FGF12: variants seen among roughly 807,000 people sequenced by gnomAD.
FGF12 encodes fibroblast growth factor 12.
FGF12 carries 14 observed loss-of-function variants against 23.6 expected under a neutral mutation model. The ratio of observed to expected loss-of-function variants is 0.59; its 90% CI spans 0.39 to 0.93. The LOEUF is 0.93. FGF12 is among the 40% of genes least tolerant of loss of function. FGF12 has a pLI of 0.00. For synonymous variants in FGF12, 62 were observed against 77.3 expected (o/e 0.80, Z 1.04); for missense variants, 175 against 217.8 (o/e 0.80, Z 1.24).
At chr3:192,387,272 C>T (rs375223601) in intron 2 of FGF12, among the ~76,000 whole-genome samples, 10 of 152,166 alleles carry the variant, frequency 6.6e-5, no homozygotes, top group African/African-American at 2.4e-4. Context: ...TCCTTGTTGG[C>T]CCTTTTATGA....
chr3:192,172,388 A>AC (rs201827203), intron 4 of FGF12, among the ~76,000 whole-genome samples: 3,257 of 148,022 alleles, frequency 0.022, 169 homozygotes, highest in African/African-American at 0.078. Context: ...ATGGATCTCA[A>AC]CCCCCCCTTC....
intron 2 of FGF12, among the ~76,000 whole-genome samples, chr3:192,718,572 C>T (rs751690961): frequency 7.9e-5 from 12 of 152,066 alleles, no homozygotes; most frequent in South Asian, 4.1e-4. Flanking sequence ...GAAGATGGGG[C>T]GGGAATTAGG....
chr3:192,433,621 A>C (rs974853923), intron 2 of FGF12, among the ~76,000 whole-genome samples: 1 of 152,220 alleles, frequency 6.6e-6, no homozygotes, highest in Non-Finnish European at 1.5e-5. Flanking sequence ...TGACTAACTT[A>C]TTTTTAATTG....
chr3:192,473,231 C>A (rs1456684419), intron 2 of FGF12, among the ~76,000 whole-genome samples: 1 of 152,082 alleles, frequency 6.6e-6, no homozygotes, highest in African/African-American at 2.4e-5. Flanking sequence ...ATCAACCACA[C>A]CTCACCCCTC....
At chr3:192,656,963 G>T (rs1189813863) in intron 2 of FGF12, among the ~76,000 whole-genome samples, 1 of 152,114 alleles carries the variant, frequency 6.6e-6, no homozygotes, top group East Asian at 1.9e-4. Flanking sequence ...CTGAGGGATA[G>T]GTATTAGTAT....
At chr3:192,585,124 T>C (rs1713321389) in intron 2 of FGF12, among the ~76,000 whole-genome samples, 1 of 152,130 alleles carries the variant, frequency 6.6e-6, no homozygotes, top group African/African-American at 2.4e-5. Context: ...GGCAATAGCA[T>C]AGGTGAATTC....
At chr3:192,395,505 C>T (rs1720479555) in intron 2 of FGF12, among the ~76,000 whole-genome samples, 1 of 152,190 alleles carries the variant, frequency 6.6e-6, no homozygotes, top group South Asian at 2.1e-4. Context: ...CCCTCAGAGC[C>T]TGACTATACT....
chr3:192,194,989 G>C (rs950979899), intron 4 of FGF12, among the ~76,000 whole-genome samples: 1 of 152,190 alleles, frequency 6.6e-6, no homozygotes, highest in African/African-American at 2.4e-5. Context: ...TTGTCCTCAA[G>C]TGGTTTACAG....
At chr3:192,642,473 T>C (rs1715843558) in intron 2 of FGF12, among the ~76,000 whole-genome samples, 1 of 152,174 alleles carries the variant, frequency 6.6e-6, no homozygotes, top group South Asian at 2.1e-4. Flanking sequence ...ACAATGACAG[T>C]CCTTTCCTGT....
At chr3:192,584,054 T>C (rs2108616484) in intron 2 of FGF12, among the ~76,000 whole-genome samples, 1 of 152,310 alleles carries the variant, frequency 6.6e-6, no homozygotes, top group South Asian at 2.1e-4. Context: ...CTAAATTCAA[T>C]AAGGAGCCAT....
intron 2 of FGF12, among the ~76,000 whole-genome samples, chr3:192,399,555 G>A (rs1402601630): frequency 3.9e-5 from 6 of 152,160 alleles, no homozygotes; most frequent in African/African-American, 1.4e-4. Flanking sequence ...AGGCATAATG[G>A]ATGTGTTCCT....
chr3:192,514,815 C>G lies in FGF12; in HGVS notation c.14-154277G>C. 1 of 985,396 alleles carries G rather than the reference C, an allele frequency of 1.0e-6. No homozygotes were observed. The highest frequency in any genetic ancestry group is 1.7e-5 in the African/African-American group (1 of 57,346). 61.0% of individuals were successfully genotyped at this position (985,396 alleles called of 1,614,324 possible). On this transcript the variant is annotated intron_variant, in intron 2 of 5. Transcript: ENST00000445105. This position sits in a 1 kb window ranked among gnomAD's most constrained non-coding sequence, Gnocchi z 4.9. ...CCGCCCACCTGCGCTAGTAGTCCAA[C>G]CAACAGGCGGCCTGTCTTCGGAAGC...
chr3:192,316,416 A>C (rs1716231288), intron 4 of FGF12, among the ~76,000 whole-genome samples: 1 of 152,170 alleles, frequency 6.6e-6, no homozygotes, highest in African/African-American at 2.4e-5. Context: ...ATCCCCCATT[A>C]GTGGCTGCAT....
chr3:192,194,956 T>C (rs1030505919), intron 4 of FGF12, among the ~76,000 whole-genome samples: 2 of 152,194 alleles, frequency 1.3e-5, no homozygotes, highest in African/African-American at 2.4e-5. Flanking sequence ...AGGGTTGTGG[T>C]AAAAGAAGCA....
chr3:192,357,631 AT>A (rs1718537211), intron 3 of FGF12, among the ~76,000 whole-genome samples: 1 of 152,126 alleles, frequency 6.6e-6, no homozygotes, highest in Non-Finnish European at 1.5e-5. Flanking sequence ...GCACCTAGTC[AT>A]TCATCATTCA....
intron 4 of FGF12, among the ~76,000 whole-genome samples, chr3:192,242,968 C>A (rs75418883): frequency 6.6e-6 from 1 of 151,946 alleles, no homozygotes; most frequent in Non-Finnish European, 1.5e-5. Context: ...AGACAGAAAT[C>A]ATTTTCCTTT....
chr3:192,228,093 C>T lies in FGF12; in HGVS notation c.229-57437G>A, dbSNP rs149079690. ...AGTGATCTATTGCCCACCATGGTGA[C>T]GATAGTTAACAATGTGTTGTTTAAT... On this transcript the variant is annotated intron_variant, in intron 4 of 5. Coordinates refer to ENST00000445105, the MANE Select transcript of FGF12 (RefSeq NM_004113.6). Among the ~76,000 whole-genome samples the T allele has an allele frequency of 9.0e-4, 136 of 151,528 alleles. 1 individual carries two copies. The highest frequency in any genetic ancestry group is 2.4e-3 in the African/African-American group (97 of 41,260).
chr3:192,288,636 T>C (rs1016025310), intron 4 of FGF12, among the ~76,000 whole-genome samples: 4 of 152,124 alleles, frequency 2.6e-5, no homozygotes, highest in African/African-American at 7.2e-5. Flanking sequence ...AAAGTGTTCA[T>C]AATTAGGATT....
chr3:192,641,597 G>T (rs1715810776), intron 2 of FGF12, among the ~76,000 whole-genome samples: 1 of 151,152 alleles, frequency 6.6e-6, no homozygotes, highest in Non-Finnish European at 1.5e-5. Context: ...GTAGAGACGG[G>T]GTTTCTCCAC....
Sources: gnomAD v4.1 joint callset for allele counts (sites outside exome capture counted in the v4.1 genomes callset) on GRCh38, gnomAD v4.1.1 for gene constraint, Gnocchi (gnomAD v3.1) non-coding constraint, MANE v1.5 for transcripts, NCBI Gene and HGNC (gene_info 2026-07-23, HGNC 2026-07-21) for gene names.